THOC1: variants seen among roughly 807,000 people sequenced by gnomAD.
THOC1 encodes the protein THO complex 1.
A neutral mutation model predicts 97.3 loss-of-function variants in THOC1; 29 were observed. The ratio of observed to expected loss-of-function variants is 0.30; its 90% confidence interval spans 0.22 to 0.41. THOC1 has a LOEUF of 0.41. Ranked by LOEUF, THOC1 falls within the 10% of genes least tolerant of loss-of-function variation. The pLI is 1.00. For missense variants in THOC1, 529 were observed against 761.9 expected, an observed-to-expected ratio of 0.69 and a Z score of 3.60; for synonymous variants, 255 against 257.0, an observed-to-expected ratio of 0.99 and a Z score of 0.07.
At chr18:227,608 G>C (rs962041803) in intron 11 of THOC1, among the ~76,000 whole-genome samples, 1 of 151,454 alleles carries the variant, frequency 6.6e-6, no homozygotes, top group Non-Finnish European at 1.5e-5. Context: ...TCATGAGGAA[G>C]TTCTTCAACG....
intron 8 of THOC1, among the ~76,000 whole-genome samples, chr18:253,691 A>G (rs756444207): frequency 1.3e-5 from 2 of 152,220 alleles, no homozygotes; most frequent in Non-Finnish European, 2.9e-5. Flanking sequence ...GATTAACACT[A>G]TTAAAACAGA....
chr18:252,406 C>G (rs899583383), intron 9 of THOC1, 133 bp downstream of exon 9: 3 of 691,790 alleles, frequency 4.3e-6, no homozygotes, highest in Non-Finnish European at 7.4e-6. Context: ...AAGTAATATA[C>G]ATGAAAATTA....
rs562245387 is a variant in THOC1 at position 234,718 on chromosome 18, G to C, written c.919-7817C>G. On this transcript the variant is annotated intron_variant, in intron 11 of 20. Coordinates refer to ENST00000261600, the MANE Select transcript of THOC1 (RefSeq NM_005131.3). Reference sequence around the variant, plus strand: ...AATCTGGCATTATATTCATCTTTCTGATGAACCATACTTACATTCCTAGGA... The same window carrying C: ...AATCTGGCATTATATTCATCTTTCTCATGAACCATACTTACATTCCTAGGA... 7.2e-5 allele frequency among the ~76,000 whole-genome samples: 11 copies of C among 152,118 alleles called. No homozygotes were observed. In the East Asian group the frequency reaches 1.2e-3, roughly 16 times the overall value.
At chr18:265,098 A>T in intron 3 of THOC1, 1 of 531,056 alleles carries the variant, frequency 1.9e-6, no homozygotes, top group Non-Finnish European at 3.3e-6. Flanking sequence ...GGCTCTTGTC[A>T]TTTATTAAAC....
intron 7 of THOC1, among the ~76,000 whole-genome samples, chr18:256,068 G>A (rs1368184920): frequency 6.6e-6 from 1 of 152,210 alleles, no homozygotes; most frequent in Non-Finnish European, 1.5e-5. Flanking sequence ...AGCTCTGATG[G>A]AGATGGGCAA....
intron 11 of THOC1, among the ~76,000 whole-genome samples, chr18:239,390 T>C (rs1911818637): frequency 6.6e-6 from 1 of 152,136 alleles, no homozygotes; most frequent in South Asian, 2.1e-4. Context: ...CTGCAACCTC[T>C]GCCTCCTAGG....
chr18:234,404 TG>T (rs1911600793), intron 11 of THOC1, among the ~76,000 whole-genome samples: 1 of 152,234 alleles, frequency 6.6e-6, no homozygotes, highest in African/African-American at 2.4e-5. Flanking sequence ...TTGTGTATGA[TG>T]TTTGCAATAG....
intron 11 of THOC1, among the ~76,000 whole-genome samples, chr18:229,529 A>T (rs928000280): frequency 3.3e-5 from 5 of 152,016 alleles, no homozygotes; most frequent in Admixed American, 1.3e-4. Context: ...AAAAAAAAAA[A>T]AAATTAGCGG....
At chr18:237,017 C>T (rs575233599) in intron 11 of THOC1, among the ~76,000 whole-genome samples, 233 of 152,040 alleles carry the variant, frequency 1.5e-3, no homozygotes, top group Non-Finnish European at 2.2e-3. Context: ...TGTAGCATGA[C>T]TGCAGGAGTT....
chr18:247,407 C>A (rs1048547001), intron 10 of THOC1, among the ~76,000 whole-genome samples: 2 of 152,154 alleles, frequency 1.3e-5, no homozygotes, highest in African/African-American at 4.8e-5. Flanking sequence ...TGCAACTACT[C>A]AGCTGTGCCA....
chr18:267,801 G>A (rs1382274423), intron 1 of THOC1, among the ~76,000 whole-genome samples, 165 bp downstream of exon 1: 4 of 152,180 alleles, frequency 2.6e-5, no homozygotes, highest in Admixed American at 2.0e-4. Flanking sequence ...GAGGCGGGTA[G>A]TGCGTCTTTC....
intron 12 of THOC1, chr18:225,976 G>A (rs1443317243): frequency 6.6e-6 from 1 of 152,284 alleles, no homozygotes. Flanking sequence ...ATATTAAACA[G>A]AGACTACCGT....
intron 3 of THOC1, 61 bp from the exon 4 acceptor site, chr18:264,153 C>T: frequency 1.8e-6 from 2 of 1,084,550 alleles, no homozygotes; most frequent in Non-Finnish European, 2.8e-6. Context: ...ACTCGATTAA[C>T]AGTAAAAACA....
chr18:231,318 G>C (rs1911478886), intron 11 of THOC1, among the ~76,000 whole-genome samples: 1 of 152,036 alleles, frequency 6.6e-6, no homozygotes, highest in African/African-American at 2.4e-5. Flanking sequence ...CCCTAAAAAG[G>C]CTCATGCTTT....
chr18:259,996 T>C, intron 5 of THOC1, 190 bp downstream of exon 5: 1 of 521,898 alleles, frequency 1.9e-6, no homozygotes, highest in Non-Finnish European at 3.3e-6. Context: ...TCAAATTTTG[T>C]ATTTCAAGTT....
intron 5 of THOC1, 35 bp from the exon 6 acceptor site, chr18:259,765 G>C (rs1413253872): frequency 6.8e-7 from 1 of 1,474,306 alleles, no homozygotes; most frequent in African/African-American, 1.4e-5. Context: ...CTCTTCTTCA[G>C]AACTTGTTAC....
rs766023259 is a variant in THOC1, at chr18:224,218, A to G, written c.1209-39T>C. Reference sequence around the variant, plus strand: ...AACATACACTATTTTTTGAATTACAAATGGATAACAGAAATAGAAGAATGT... The same window carrying G: ...AACATACACTATTTTTTGAATTACAGATGGATAACAGAAATAGAAGAATGT... On this transcript the variant is annotated intron_variant, in intron 15 of 20. Transcript: ENST00000261600. 80 of 1,342,596 alleles carry G rather than the reference A, an allele frequency of 6.0e-5. No homozygotes were observed. The Middle Eastern group carries it at 7.2e-4, about 12-fold the overall frequency. The allele number at this position is 1,342,596 out of a possible 1,614,324, so 83.2% of individuals were successfully genotyped here. A position where few individuals can be genotyped will look rare whatever the true frequency, so the allele number is the denominator to read the frequency against.
chr18:263,947 G>T, intron 4 of THOC1, 79 bp downstream of exon 4: 1 of 1,098,662 alleles, frequency 9.1e-7, no homozygotes, highest in Non-Finnish European at 1.3e-6. Flanking sequence ...AGGTGGAGAA[G>T]TATGGGGAGA....
intron 1 of THOC1, among the ~76,000 whole-genome samples, chr18:266,195 T>C (rs916077622): frequency 3.3e-5 from 5 of 152,264 alleles, no homozygotes; most frequent in African/African-American, 1.2e-4. Flanking sequence ...GCATTCATTC[T>C]ATGAACACTC....
Sources: allele counts gnomAD v4.1 joint callset (sites outside exome capture counted in the v4.1 genomes callset), GRCh38; gene constraint gnomAD v4.1.1; transcripts MANE v1.5; gene names NCBI Gene and HGNC (gene_info 2026-07-23, HGNC 2026-07-21).